Variants in KCNK13 observed in about 807,000 individuals in gnomAD.
The protein encoded by KCNK13 is potassium two pore domain channel subfamily K member 13.
Under a neutral mutation model 23.4 loss-of-function variants are expected in KCNK13, and 12 were observed. The observed-to-expected ratio is 0.51, with a 90% CI of 0.33 to 0.83. The LOEUF (loss-of-function observed/expected upper bound fraction) is 0.83. Ranked by LOEUF, KCNK13 falls within the 40% of genes least tolerant of loss-of-function variation. The pLI is 0.02. For synonymous variants in KCNK13, 231 were observed against 229.5 expected, an observed-to-expected ratio of 1.01 and a Z score of -0.06; for missense variants, 463 against 556.3, an observed-to-expected ratio of 0.83 and a Z score of 1.69.
chr14:90,068,948 G>A (rs1889040498), intron 1 of KCNK13, among the ~76,000 whole-genome samples: 1 of 152,038 alleles, frequency 6.6e-6, no homozygotes, highest in South Asian at 2.1e-4. Flanking sequence ...AGATGACCCG[G>A]CTCATGAGGA....
intron 1 of KCNK13, among the ~76,000 whole-genome samples, chr14:90,087,145 TATA>T (rs1470648886): frequency 1.1e-3 from 128 of 115,954 alleles, no homozygotes; most frequent in African/African-American, 9.5e-4. Context: ...TATATATATA[TATA>T]TATATATTTT....
At chr14:90,109,671 A>G (rs1889590911) in intron 1 of KCNK13, among the ~76,000 whole-genome samples, 1 of 150,182 alleles carries the variant, frequency 6.7e-6, no homozygotes, top group Admixed American at 6.6e-5. Flanking sequence ...CAGCCTCCCA[A>G]AGTGCTGGGA....
intron 1 of KCNK13, among the ~76,000 whole-genome samples, chr14:90,142,925 G>C (rs1890026393): frequency 6.6e-6 from 1 of 152,162 alleles, no homozygotes; most frequent in Non-Finnish European, 1.5e-5. Flanking sequence ...CGTTTCTAGG[G>C]GAGCAAATTG....
At chr14:90,100,528 G>A (rs564797272) in intron 1 of KCNK13, among the ~76,000 whole-genome samples, 1 of 152,270 alleles carries the variant, frequency 6.6e-6, no homozygotes, top group African/African-American at 2.4e-5. Context: ...TAGGGAGGCC[G>A]CAAAGTGTGA....
intron 1 of KCNK13, chr14:90,107,943 AAT>A (rs1223590510): frequency 1.3e-6 from 1 of 741,060 alleles, no homozygotes; most frequent in East Asian, 2.7e-5. Flanking sequence ...GTCACTATGC[AAT>A]AGAGTGGGGA....
chr14:90,070,735 T>C (rs548015658), intron 1 of KCNK13, among the ~76,000 whole-genome samples: 1 of 152,358 alleles, frequency 6.6e-6, no homozygotes, highest in Admixed American at 6.5e-5. Context: ...TAGCAGTGGC[T>C]TTTAAAGCAC....
At position 90,085,607 on chromosome 14, in the gene KCNK13, T is replaced by C. The variant is rs545902866; in HGVS notation, c.334+23068T>C. Among the ~76,000 whole-genome samples, 55 of 149,374 alleles carry C rather than the reference T, an allele frequency of 3.7e-4. 2 individuals are homozygous for C. The South Asian group carries it at 0.011, about 31-fold the overall frequency. The stretch of plus-strand genomic sequence containing the variant: ...CCGGGAGGCGGAGGTTGCAGTGAGC[T>C]GAGATCCATGCCATTGCACTCCAGC... On this transcript the variant is annotated intron_variant, in intron 1 of 1. Transcript: ENST00000282146.
intron 1 of KCNK13, among the ~76,000 whole-genome samples, chr14:90,081,687 T>G (rs1286906): frequency 0.28 from 42,207 of 152,136 alleles, 6,103 homozygotes; most frequent in Non-Finnish European, 0.32. Context: ...TTAGGACATT[T>G]CAAGTTCTGA....
chr14:90,080,755 T>C (rs940871217), intron 1 of KCNK13, among the ~76,000 whole-genome samples: 3 of 152,160 alleles, frequency 2.0e-5, no homozygotes, highest in African/African-American at 7.2e-5. Context: ...ATCACCTGTT[T>C]TGGATTCCCC....
chr14:90,152,738 C>T (rs993052455), intron 1 of KCNK13, among the ~76,000 whole-genome samples: 2 of 152,164 alleles, frequency 1.3e-5, no homozygotes, highest in African/African-American at 4.8e-5. Flanking sequence ...TGTGATACCT[C>T]CAGGTTTATT....
At chr14:90,122,858 T>A (rs1210173720) in intron 1 of KCNK13, among the ~76,000 whole-genome samples, 1 of 152,216 alleles carries the variant, frequency 6.6e-6, no homozygotes, top group African/African-American at 2.4e-5. Context: ...TAAGCCTTCA[T>A]ATCCAAATCA....
intron 1 of KCNK13, among the ~76,000 whole-genome samples, chr14:90,134,008 C>T (rs1259604973): frequency 2.0e-5 from 3 of 152,102 alleles, no homozygotes; most frequent in African/African-American, 7.2e-5. Context: ...GTATCAAGTC[C>T]CAACAATGTG....
At chr14:90,180,144 G>A (rs1890469075) in intron 1 of KCNK13, among the ~76,000 whole-genome samples, 1 of 152,162 alleles carries the variant, frequency 6.6e-6, no homozygotes, top group Non-Finnish European at 1.5e-5. Context: ...CTGGTTTTAT[G>A]ACTTTAGGCA....
chr14:90,113,103 CA>C (rs1269076462), intron 1 of KCNK13, among the ~76,000 whole-genome samples: 2 of 152,032 alleles, frequency 1.3e-5, no homozygotes, highest in East Asian at 3.9e-4. Flanking sequence ...TTTGTAGAGA[CA>C]GGGTTTTGCC....
At chr14:90,171,618 A>G (rs1890365931) in intron 1 of KCNK13, among the ~76,000 whole-genome samples, 1 of 152,218 alleles carries the variant, frequency 6.6e-6, no homozygotes, top group Non-Finnish European at 1.5e-5. Flanking sequence ...GTCAATTAAT[A>G]TATGTCTGGA....
chr14:90,159,819 G>A (rs1649394362), intron 1 of KCNK13, among the ~76,000 whole-genome samples: 1 of 152,186 alleles, frequency 6.6e-6, no homozygotes, highest in Admixed American at 6.5e-5. Flanking sequence ...CCACATTGCT[G>A]GGGTTTAAAT....
At chr14:90,143,171 C>CTTTCTTTCTTTCTTTCTTTCTTTCTCTCT (rs1555352138) in intron 1 of KCNK13, among the ~76,000 whole-genome samples, 3 of 123,788 alleles carry the variant, frequency 2.4e-5, no homozygotes, top group Admixed American at 8.6e-5. Flanking sequence ...TTCTTTCTTT[C>CTTTCTTTCTTTCTTTCTTTCTTTCTCTCT]TTTCTTTTCT....
chr14:90,169,574 C>T (rs1321075457), intron 1 of KCNK13, among the ~76,000 whole-genome samples: 1 of 152,120 alleles, frequency 6.6e-6, no homozygotes, highest in Non-Finnish European at 1.5e-5. Context: ...GAACCCCTGC[C>T]CCTCATATGG....
intron 1 of KCNK13, among the ~76,000 whole-genome samples, chr14:90,063,318 A>G (rs1888968517): frequency 6.6e-6 from 1 of 152,162 alleles, no homozygotes; most frequent in African/African-American, 2.4e-5. Context: ...GAATTTACCT[A>G]GAGGCACCTG....
Sources: allele counts gnomAD v4.1 joint callset (sites outside exome capture counted in the v4.1 genomes callset), GRCh38; gene constraint gnomAD v4.1.1; transcripts MANE v1.5; gene names NCBI Gene and HGNC (gene_info 2026-07-23, HGNC 2026-07-21).